SELENOO: variants seen among roughly 807,000 people sequenced by gnomAD.
SELENOO encodes the protein selenoprotein O.
Under a neutral mutation model 58.7 loss-of-function variants are expected in SELENOO, and 74 were observed. The ratio of observed to expected loss-of-function variants is 1.26; its 90% CI spans 1.04 to 1.53. SELENOO has a LOEUF of 1.53. SELENOO is among the 40% of genes most tolerant of loss of function. SELENOO has a pLI of 0.00. For missense variants in SELENOO, 1,149 were observed against 970.0 expected (o/e 1.18, Z -2.45); for synonymous variants, 543 against 453.2 (o/e 1.20, Z -2.52).
intron 6 of SELENOO, among the ~76,000 whole-genome samples, chr22:50,216,417 C>T (rs549606669): frequency 6.6e-5 from 10 of 152,364 alleles, no homozygotes; most frequent in Admixed American, 3.9e-4. Flanking sequence ...AAGCATTAAA[C>T]TCGGGAGGTG....
intron 1 of SELENOO, among the ~76,000 whole-genome samples, chr22:50,204,354 C>T (rs576532120): frequency 4.9e-4 from 75 of 152,256 alleles, no homozygotes; most frequent in Middle Eastern, 6.8e-3. Flanking sequence ...TGGTCGGGCA[C>T]AGTGGCTCAC....
chr22:50,209,139 G>A lies in SELENOO; in HGVS notation c.939+423G>A, dbSNP rs138628551. 2.2e-4 allele frequency: 37 copies of A among 165,078 alleles called. 1 individual carries two copies. The highest frequency in any genetic ancestry group is 1.3e-3 in the South Asian group (8 of 6,348). The allele number at this position is 165,078 out of a possible 1,614,324, so 10.2% of individuals were successfully genotyped here. A position where few individuals can be genotyped will look rare whatever the true frequency, so the allele number is the denominator to read the frequency against. The stretch of plus-strand genomic sequence containing the variant: ...TCCCCGCCCCACGGACACCACAGAC[G>A]TCCCACATGGCTTGATGGCATCGTC... On this transcript the variant is annotated intron_variant, in intron 3 of 8. Transcript: ENST00000380903.
chr22:50,215,565 AT>A, intron 5 of SELENOO, 151 bp from the exon 6 acceptor site: 1 of 553,396 alleles, frequency 1.8e-6, no homozygotes, highest in South Asian at 2.1e-5. Context: ...GAGCGTGTGG[AT>A]CCGTGCTGGC....
Position 50,201,091 on chromosome 22 carries a change from C to T in SELENOO, c.55C>T (p.Pro19Ser), listed in dbSNP as rs1420672543. 1.5e-6 allele frequency: 2 copies of T among 1,366,774 alleles called. No individual in the cohort carries two copies. The highest frequency in any genetic ancestry group is 3.1e-5 in the East Asian group (1 of 32,298). 84.7% of individuals were successfully genotyped at this position (1,366,774 alleles called of 1,614,324 possible). The change falls in exon 1 of 9, where the codon CCC (proline) becomes TCC (serine). Residue 19 changes from proline to serine, a missense_variant. Coordinates refer to ENST00000380903, the MANE Select transcript of SELENOO (RefSeq NM_031454.2). Reference sequence around the variant, plus strand: ...TTCGCTCGCGGCTGCCCGACTCTTGCCCCTCGGTCGCTGTTCCCCGTCGCC... The same window carrying T: ...TTCGCTCGCGGCTGCCCGACTCTTGTCCCTCGGTCGCTGTTCCCCGTCGCC... ...GASLAAARLL[P>S]LGRCSPSPAP... is the part of the protein sequence containing the mutation.
intron 2 of SELENOO, 51 bp from the exon 3 acceptor site, chr22:50,208,485 A>T: frequency 6.6e-7 from 1 of 1,506,924 alleles, no homozygotes; most frequent in Non-Finnish European, 9.0e-7. Flanking sequence ...TTATTTTCAC[A>T]AGGGGCTGGG....
In SELENOO at chr22:50,215,812, C is replaced by T. The variant is rs1228286418; in HGVS notation, c.1447C>T (p.Gln483Ter). 1.2e-6 allele frequency: 2 copies of T among 1,612,604 alleles called. No individual in the cohort carries two copies. The highest frequency in any genetic ancestry group is 1.1e-5 in the South Asian group (1 of 91,038). Reference sequence around the variant, plus strand: ...GGAATTCCTGGCCAGGCTGATGGAGCAGTGTGCCTCCCTGGAGGAGCTGAG... The same window carrying T: ...GGAATTCCTGGCCAGGCTGATGGAGTAGTGTGCCTCCCTGGAGGAGCTGAG... ...LAEFLARLME[Q>*]CASLEELRLA... Residue 483 changes from glutamine to a stop codon, truncating the protein, a stop_gained, in exon 6 of 9, where the codon CAG becomes TAG. Coordinates refer to ENST00000380903, the MANE Select transcript of SELENOO (RefSeq NM_031454.2). LOFTEE classifies it high-confidence loss of function.
Position 50,210,671 on chromosome 22 carries a change from G to GGCCGCTACC in SELENOO, c.1119_1120insCGCCGCTAC (p.Tyr373_Ala374insArgArgTyr). On this transcript the variant is annotated inframe_insertion, in exon 5 of 9. Coordinates refer to ENST00000380903, the MANE Select transcript of SELENOO (RefSeq NM_031454.2). ...CGTGTGCAATGCCTCCGACAACACC[G>GGCCGCTACC]GCCGCTACGCGTACAGCAAGCAGCC... 1 of 1,613,106 alleles carries GGCCGCTACC rather than the reference G, an allele frequency of 6.2e-7. No homozygotes were observed. The highest frequency in any genetic ancestry group is 1.1e-5 in the South Asian group (1 of 91,076).
chr22:50,201,072 C>T lies in SELENOO; in HGVS notation c.36C>T (p.Leu12=). Reference sequence around the variant, plus strand: ...ACAGGGCAGCGCTCGGGGCTTCGCTCGCGGCTGCCCGACTCTTGCCCCTCG... The same window carrying T: ...ACAGGGCAGCGCTCGGGGCTTCGCTTGCGGCTGCCCGACTCTTGCCCCTCG... The part of the protein sequence containing the change: ...AVYRAALGAS[L]AAARLLPLGR... The change falls in exon 1 of 9, where the codon CTC becomes CTT. Residue 12 remains leucine (L), a synonymous_variant. Transcript: ENST00000380903. The T allele has an allele frequency of 5.1e-6, 7 of 1,360,844 alleles. No individual in the cohort carries two copies. Among genetic ancestry groups the T allele is most frequent in the Non-Finnish European group, 6.6e-6 (7 of 1,057,078 alleles). The allele number at this position is 1,360,844 out of a possible 1,614,324, so 84.3% of individuals were successfully genotyped here. A position where few individuals can be genotyped will look rare whatever the true frequency, so the allele number is the denominator to read the frequency against.
chr22:50,217,196 A>G lies in SELENOO; in HGVS notation c.1846-9A>G, dbSNP rs2064424217. On this transcript the variant is annotated splice_polypyrimidine_tract_variant and intron_variant, in intron 8 of 8. Coordinates refer to ENST00000380903, the MANE Select transcript of SELENOO (RefSeq NM_031454.2). The stretch of plus-strand genomic sequence containing the variant: ...GCCCCAGACCCCTCTCACCCTCCTG[A>G]TCCTCCAGGTGCGGCGGGTGCTGAA... 2 of 1,611,916 alleles carry G rather than the reference A, an allele frequency of 1.2e-6. No individual in the cohort carries two copies. The highest frequency in any genetic ancestry group is 8.5e-7 in the Non-Finnish European group (1 of 1,179,182).
At position 50,201,460 on chromosome 22, in the gene SELENOO, G is replaced by A. The variant is rs1400283742; in HGVS notation, c.424G>A (p.Gly142Ser). Residue 142 changes from glycine (G) to serine (S), a missense_variant, in exon 1 of 9, where the codon GGC (glycine) becomes AGC (serine). Coordinates refer to ENST00000380903, the MANE Select transcript of SELENOO (RefSeq NM_031454.2). ...CGAGCCCGCCGCGCACTGCTACTGC[G>A]GCCACCAATTCGGCCAGTTCGCCGG... Reference protein sequence around the residue: ...GAEPAAHCYCGHQFGQFAGQL... With the variant: ...GAEPAAHCYCSHQFGQFAGQL... 4 of 1,419,832 alleles carry A rather than the reference G, an allele frequency of 2.8e-6. No homozygotes were observed. Among genetic ancestry groups the A allele is most frequent in the Admixed American group, 2.6e-5 (1 of 38,452 alleles). The allele number at this position is 1,419,832 out of a possible 1,614,324, so 88.0% of individuals were successfully genotyped here.
In SELENOO at chr22:50,217,008, C is replaced by T. The variant is rs1178243243; in HGVS notation, c.1725C>T (p.Asp575=). Residue 575 remains aspartate (D), a synonymous_variant, in exon 8 of 9, where the codon GAC becomes GAT. Coordinates refer to ENST00000380903, the MANE Select transcript of SELENOO (RefSeq NM_031454.2). The part of the protein sequence containing the change: ...RLDKDLEGAG[D]AAAWQAEHVR... ...ACAAGGACCTGGAAGGCGCTGGGGA[C>T]GCTGCCGCCTGGCAGGCTGAGCACG... The T allele has an allele frequency of 3.7e-6, 6 of 1,611,318 alleles. No homozygotes were observed. Among genetic ancestry groups the T allele is most frequent in the Admixed American group, 3.3e-5 (2 of 59,980 alleles).
At chr22:50,213,604 GGC>G in intron 5 of SELENOO, among the ~76,000 whole-genome samples, 1 of 151,996 alleles carries the variant, frequency 6.6e-6, no homozygotes, top group African/African-American at 2.4e-5. Flanking sequence ...TGTTGGTTTA[GGC>G]TGTTGTTCAG....
At chr22:50,207,906 A>G (rs2064342931) in intron 2 of SELENOO, among the ~76,000 whole-genome samples, 1 of 146,870 alleles carries the variant, frequency 6.8e-6, no homozygotes, top group Non-Finnish European at 1.5e-5. Context: ...AGACCTGCCG[A>G]AAACACTCCT....
At chr22:50,208,790 T>G (rs996624333) in intron 3 of SELENOO, 74 bp downstream of exon 3, 4 of 1,441,198 alleles carry the variant, frequency 2.8e-6, no homozygotes, top group Non-Finnish European at 3.8e-6. Context: ...GACACCCTCA[T>G]TTTGGCCGGG....
intron 1 of SELENOO, chr22:50,206,009 T>C: frequency 2.3e-6 from 1 of 441,956 alleles, no homozygotes; most frequent in Non-Finnish European, 4.2e-6. Context: ...TTGTCCCCAC[T>C]GTGCAGTCAC....
intron 1 of SELENOO, 122 bp downstream of exon 1, chr22:50,201,712 G>T (rs1235569488): frequency 7.1e-6 from 5 of 699,432 alleles, no homozygotes; most frequent in Non-Finnish European, 9.8e-6. Flanking sequence ...CCCTGCACCC[G>T]CGGGAGCGCG....
intron 5 of SELENOO, among the ~76,000 whole-genome samples, chr22:50,213,710 C>T (rs971634780): frequency 7.9e-5 from 12 of 151,980 alleles, no homozygotes; most frequent in East Asian, 1.9e-4. Context: ...TGCAGTGGCG[C>T]GATCTCAGCT....
chr22:50,201,062 G>T lies in SELENOO; in HGVS notation c.26G>T (p.Gly9Val). ...ATGGCCGTATACAGGGCAGCGCTCG[G>T]GGCTTCGCTCGCGGCTGCCCGACTC... MAVYRAAL[G>V]ASLAAARLLP... Residue 9 changes from glycine (G) to valine (V), a missense_variant, in exon 1 of 9, where the codon GGG becomes GTG. By Grantham distance (109) the Gly-to-Val change is moderately radical. Transcript: ENST00000380903. 7.4e-7 allele frequency: 1 copy of T among 1,357,504 alleles called. No individual in the cohort carries two copies. The highest frequency in any genetic ancestry group is 1.8e-5 in the South Asian group (1 of 56,698). 84.1% of individuals were successfully genotyped at this position (1,357,504 alleles called of 1,614,324 possible).
rs757073158 is a variant in SELENOO, at chr22:50,210,286, TA to T, written c.1046del (p.Tyr349SerfsTer101). On this transcript the variant is annotated frameshift_variant, in exon 4 of 9. Coordinates refer to ENST00000380903, the MANE Select transcript of SELENOO (RefSeq NM_031454.2). LOFTEE classifies it high-confidence loss of function. ...GAGCATCCTGGGGCTCACCATCGAC[TA>T]CGGGCCCTTTGGCTTCCTGGACAGG... ...NMSILGLTID[Y>X]GPFGFLDRYD... 1.7e-5 allele frequency: 27 copies of T among 1,613,152 alleles called. 1 individual carries two copies. The Admixed American group carries it at 2.0e-4, about 12-fold the overall frequency.
Sources: gnomAD v4.1 joint callset for allele counts (sites outside exome capture counted in the v4.1 genomes callset) on GRCh38, gnomAD v4.1.1 for gene constraint, MANE v1.5 for transcripts, NCBI Gene and HGNC (gene_info 2026-07-23, HGNC 2026-07-21) for gene names.